The following FAT4 variants were observed in gnomAD, a reference collection of about 807,000 sequenced individuals.
FAT4 encodes protocadherin Fat 4.
Under a neutral mutation model 303.9 loss-of-function variants are expected in FAT4, and 84 were observed. That is an observed-to-expected ratio of 0.28 (90% CI 0.23 to 0.33). The LOEUF is 0.33. Among genes scored for constraint, FAT4 ranks in the 10% least tolerant of loss-of-function variants. FAT4 has a pLI of 1.00. For synonymous variants in FAT4, 2,307 were observed against 2,298.8 expected (o/e 1.00, Z -0.10); for missense variants, 6,005 against 6,146.8 (o/e 0.98, Z 0.77).
In FAT4 at chr4:125,398,871, G is replaced by A. The variant is rs1409471911; in HGVS notation, c.5263G>A (p.Asp1755Asn). 2.5e-6 allele frequency: 4 copies of A among 1,613,140 alleles called. No homozygotes were observed. Among genetic ancestry groups the A allele is most frequent in the African/African-American group, 1.3e-5 (1 of 74,864 alleles). ...TCTCACGGTAGAGGAGAACATTGGA[G>A]ATGGCTCTAAGATTATGCAGCTGAC... ...LDLTVEENIGDGSKIMQLTAM... is the reference protein window; with the variant it reads ...LDLTVEENIGNGSKIMQLTAM... Residue 1755 changes from aspartate (D) to asparagine (N), a missense_variant, in exon 3 of 18, where the codon GAT (aspartate) becomes AAT (asparagine). Coordinates refer to ENST00000394329, the MANE Select transcript of FAT4 (RefSeq NM_001291303.3).
At chr4:125,476,102 G>C (rs1727019526) in intron 12 of FAT4, 69 bp from the exon 13 acceptor site, 3 of 812,348 alleles carry the variant, frequency 3.7e-6, no homozygotes, top group South Asian at 1.8e-5. Flanking sequence ...GTCATGGGTA[G>C]TGTTGGCTGG....
rs2125939679 is a variant in FAT4 at position 125,317,506 on chromosome 4, C to A, written c.1095C>A (p.Ala365=). 6.2e-7 allele frequency: 1 copy of A among 1,613,846 alleles called. No individual in the cohort carries two copies. The highest frequency in any genetic ancestry group is 1.3e-5 in the African/African-American group (1 of 75,062). The change falls in exon 2 of 18, where the codon GCC becomes GCA. Residue 365 remains alanine, a synonymous_variant. Coordinates refer to ENST00000394329, the MANE Select transcript of FAT4 (RefSeq NM_001291303.3). This position sits in a 1 kb window ranked among gnomAD's most constrained non-coding sequence, Gnocchi z 7.0. Reference sequence around the variant, plus strand: ...ACTTCCCGGCCACCTCGCGCTACGCCTCGGTAGATGAGAATGCTCAAGTGG... The same window carrying A: ...ACTTCCCGGCCACCTCGCGCTACGCATCGGTAGATGAGAATGCTCAAGTGG... ...FRYFPATSRY[A]SVDENAQVGT...
In FAT4 at chr4:125,316,934, C is replaced by A. The variant is rs750530580; in HGVS notation, c.523C>A (p.Arg175Ser). The change falls in exon 2 of 18, where the codon CGC (arginine) becomes AGC (serine). Residue 175 changes from arginine to serine, a missense_variant. Arg to Ser is a moderately radical substitution (Grantham distance 110). Transcript: ENST00000394329. This position sits in a 1 kb window ranked among gnomAD's most constrained non-coding sequence, Gnocchi z 5.7. ...GSNGVDHRSY[R>S]IIRGNEAGRF... ...AAACGGTGTGGACCACCGCTCCTAC[C>A]GCATCATCCGCGGCAATGAGGCGGG... 5 of 1,613,958 alleles carry A rather than the reference C, an allele frequency of 3.1e-6. No individual in the cohort carries two copies. Among genetic ancestry groups the A allele is most frequent in the Admixed American group, 3.3e-5 (2 of 60,032 alleles).
Position 125,487,519 on chromosome 4 carries a change from C to G in FAT4, c.12997C>G (p.Pro4333Ala), listed in dbSNP as rs749900727. Residue 4333 changes from proline (P) to alanine (A), a missense_variant, in exon 17 of 18, where the codon CCT becomes GCT. Coordinates refer to ENST00000394329, the MANE Select transcript of FAT4 (RefSeq NM_001291303.3). ...DRIYNRDIIH[P>A]TQDFGGLDVL... ...AATATATAACAGAGATATTATCCAC[C>G]CTACTCAGGACTTCGGTGGCCTTGA... 1 of 1,613,868 alleles carries G rather than the reference C, an allele frequency of 6.2e-7. No homozygotes were observed. Among genetic ancestry groups the G allele is most frequent in the Non-Finnish European group, 8.5e-7 (1 of 1,179,866 alleles).
At chr4:125,487,715 G>A (rs1370810439) in intron 17 of FAT4, 109 bp downstream of exon 17, 90 of 1,053,288 alleles carry the variant, frequency 8.5e-5, no homozygotes, top group Non-Finnish European at 1.1e-4. Context: ...CTCATATACA[G>A]AACAATTTCA....
chr4:125,481,431 T>C, intron 15 of FAT4, 90 bp from the exon 16 acceptor site: 1 of 1,097,112 alleles, frequency 9.1e-7, no homozygotes, highest in Non-Finnish European at 1.3e-6. Flanking sequence ...ACATTTTCAT[T>C]GTCCTTTTTA....
Position 125,489,390 on chromosome 4 carries a change from G to A in FAT4, c.13085-511G>A, listed in dbSNP as rs150842933. 3.3e-5 allele frequency among the ~76,000 whole-genome samples: 5 copies of A among 152,250 alleles called. No homozygotes were observed. The East Asian group carries it at 5.8e-4, about 18-fold the overall frequency. ...GCCTTTTAGAGGCCCACAAACCATTGTAATAGCTAAGATTTTTTTGTTTTG... is the reference window on the plus strand; with the variant it reads ...GCCTTTTAGAGGCCCACAAACCATTATAATAGCTAAGATTTTTTTGTTTTG... On this transcript the variant is annotated intron_variant, in intron 17 of 17. Coordinates refer to ENST00000394329, the MANE Select transcript of FAT4 (RefSeq NM_001291303.3).
chr4:125,490,662 G>C lies in FAT4; in HGVS notation c.13846G>C (p.Glu4616Gln). The C allele has an allele frequency of 6.2e-7, 1 of 1,614,152 alleles. No homozygotes were observed. Among genetic ancestry groups the C allele is most frequent in the Non-Finnish European group, 8.5e-7 (1 of 1,180,030 alleles). ...CCCCAGCGCCCCTTTGGCATCTCCA[G>C]AGCAGGAGATAGAGCACTATGACAT... ...TIPSAPLASP[E>Q]QEIEHYDIDN... Residue 4616 changes from glutamate to glutamine, a missense_variant, in exon 18 of 18, where the codon GAG (glutamate) becomes CAG (glutamine). Physicochemically the swap from Glu to Gln is conservative, Grantham distance 29. Coordinates refer to ENST00000394329, the MANE Select transcript of FAT4 (RefSeq NM_001291303.3).
Position 125,320,938 on chromosome 4 carries a change from G to C in FAT4, c.4527G>C (p.Arg1509=). 1.9e-6 allele frequency: 3 copies of C among 1,614,168 alleles called. No homozygotes were observed. Among genetic ancestry groups the C allele is most frequent in the Non-Finnish European group, 2.5e-6 (3 of 1,180,020 alleles). The stretch of plus-strand genomic sequence containing the variant: ...AAGCTGTGCCAATAGAAACTAGACG[G>C]TATGCTTTGAAGAACGTGACCATTT... ...NDQAVPIETR[R]YALKNVTILV... The change falls in exon 2 of 18, where the codon CGG becomes CGC. Residue 1509 remains arginine (R), a synonymous_variant. Coordinates refer to ENST00000394329, the MANE Select transcript of FAT4 (RefSeq NM_001291303.3).
At chr4:125,446,956 A>G (rs931217400) in intron 9 of FAT4, among the ~76,000 whole-genome samples, 1 of 152,036 alleles carries the variant, frequency 6.6e-6, no homozygotes, top group African/African-American at 2.4e-5. Context: ...TAGGCATTCA[A>G]CTATGTTTGT....
At position 125,396,751 on chromosome 4, in the gene FAT4, T is replaced by C. The variant is rs1734188933; in HGVS notation, c.5176-2033T>C. ...GACAATTTAGAATTTTTTAAAATTC[T>C]ATGAATCTAAAAGTTCAGAGTTGAA... On this transcript the variant is annotated intron_variant, in intron 2 of 17. Transcript: ENST00000394329. 2.0e-5 allele frequency among the ~76,000 whole-genome samples: 3 copies of C among 152,242 alleles called. No individual in the cohort carries two copies. The South Asian group carries it at 6.2e-4, about 32-fold the overall frequency.
rs370391156 is a variant in FAT4 at position 125,434,389 on chromosome 4, C to G, written c.7163C>G (p.Ala2388Gly). Residue 2388 changes from alanine (A) to glycine (G), a missense_variant, in exon 8 of 18, where the codon GCC (alanine) becomes GGC (glycine). Coordinates refer to ENST00000394329, the MANE Select transcript of FAT4 (RefSeq NM_001291303.3). ...PTGTDVLLVNASDADASKNAV... is the reference protein window; with the variant it reads ...PTGTDVLLVNGSDADASKNAV... ...GGAACAGATGTTTTATTGGTAAATG[C>G]CTCAGATGCTGATGCTTCAAAGAAT... The G allele has an allele frequency of 6.8e-6, 11 of 1,613,888 alleles. No individual in the cohort carries two copies. The highest frequency in any genetic ancestry group is 1.3e-5 in the African/African-American group (1 of 74,910).
chr4:125,413,400 T>A (rs1734919789), intron 5 of FAT4, among the ~76,000 whole-genome samples: 1 of 151,832 alleles, frequency 6.6e-6, no homozygotes, highest in Non-Finnish European at 1.5e-5. Flanking sequence ...TTGTGAGTAG[T>A]CTTAAATAAA....
intron 2 of FAT4, among the ~76,000 whole-genome samples, chr4:125,329,309 C>T (rs1413588537): frequency 6.6e-6 from 1 of 152,244 alleles, no homozygotes; most frequent in African/African-American, 2.4e-5. Context: ...ATGATGGACA[C>T]ATTGCTAGAT....
Position 125,448,542 on chromosome 4 carries a change from A to G in FAT4, c.7532A>G (p.Asn2511Ser). The change falls in exon 10 of 18, where the codon AAT becomes AGT. Residue 2511 changes from asparagine to serine, a missense_variant. Physicochemically the swap from Asn to Ser is conservative, Grantham distance 46. Transcript: ENST00000394329. ...SELHYSLSGR[N>S]SEKFHIDPLR... ...CTGCATTATTCTCTTTCGGGTAGAA[A>G]TTCTGAAAAATTTCACATTGACCCA... is the stretch of plus-strand genomic sequence containing the variant. 2 of 1,613,890 alleles carry G rather than the reference A, an allele frequency of 1.2e-6. No homozygotes were observed. Among genetic ancestry groups the G allele is most frequent in the South Asian group, 2.2e-5 (2 of 91,072 alleles).
chr4:125,430,052 C>A (rs1276148435), intron 7 of FAT4, among the ~76,000 whole-genome samples: 2 of 151,774 alleles, frequency 1.3e-5, no homozygotes, highest in East Asian at 1.9e-4. Context: ...AGGAGATATA[C>A]CTAATGTAAA....
chr4:125,329,674 G>T (rs772147194), intron 2 of FAT4, among the ~76,000 whole-genome samples: 2 of 152,034 alleles, frequency 1.3e-5, no homozygotes, highest in African/African-American at 2.4e-5. Context: ...CCCTACATTC[G>T]TATAACCAAT....
At position 125,456,456 on chromosome 4, in the gene FAT4, T is replaced by C. The variant is rs1173365014; in HGVS notation, c.11800+3646T>C. On this transcript the variant is annotated intron_variant, in intron 10 of 17. Coordinates refer to ENST00000394329, the MANE Select transcript of FAT4 (RefSeq NM_001291303.3). The stretch of plus-strand genomic sequence containing the variant: ...CATAAAATTGAATGATTAAGATGAA[T>C]CTTACATTTTTTAAATCAAGTTTCA... Among the ~76,000 whole-genome samples, 6 of 152,270 alleles carry C rather than the reference T, an allele frequency of 3.9e-5. 1 individual carries two copies. The highest frequency in any genetic ancestry group is 1.4e-4 in the African/African-American group (6 of 41,554).
At position 125,449,471 on chromosome 4, in the gene FAT4, A is replaced by G. The variant is rs768020749; in HGVS notation, c.8461A>G (p.Thr2821Ala). Reference protein sequence around the residue: ...YSIMDASLPFTINPSTGDIVI... With the variant: ...YSIMDASLPFAINPSTGDIVI... ...TATAATGGATGCAAGTCTTCCATTT[A>G]CAATTAATCCCAGCACAGGGGATAT... The change falls in exon 10 of 18, where the codon ACA becomes GCA. Residue 2821 changes from threonine to alanine, a missense_variant. Coordinates refer to ENST00000394329, the MANE Select transcript of FAT4 (RefSeq NM_001291303.3). 2.5e-6 allele frequency: 4 copies of G among 1,613,740 alleles called. No individual in the cohort carries two copies. In the Admixed American group the frequency reaches 5.0e-5, roughly 20 times the overall value.
Sources: gnomAD v4.1 joint callset for allele counts (sites outside exome capture counted in the v4.1 genomes callset) on GRCh38, gnomAD v4.1.1 for gene constraint, Gnocchi (gnomAD v3.1) non-coding constraint, MANE v1.5 for transcripts, NCBI Gene and HGNC (gene_info 2026-07-23, HGNC 2026-07-21) for gene names.